The following SCML4 variants were observed in gnomAD, a reference collection of about 807,000 sequenced individuals.
SCML4 encodes sex comb on midleg-like protein 4.
Under a neutral mutation model 41.1 loss-of-function variants are expected in SCML4, and 34 were observed. The observed-to-expected ratio is 0.83, with a 90% CI of 0.63 to 1.10. SCML4 has a LOEUF of 1.10. SCML4 is among the 50% of genes least tolerant of loss of function. The pLI is 0.00. For missense variants in SCML4, 522 were observed against 534.1 expected (o/e 0.98, Z 0.22); for synonymous variants, 214 against 220.9 (o/e 0.97, Z 0.28).
chr6:107,840,442 C>A, the SCML4 span, among the ~76,000 whole-genome samples: 1 of 152,186 alleles, frequency 6.6e-6, no homozygotes, highest in African/African-American at 2.4e-5. Flanking sequence ...GTAGATTGTC[C>A]TTCTAACCTA....
intron 2 of SCML4, among the ~76,000 whole-genome samples, chr6:107,770,032 A>C (rs1562239455): frequency 1.3e-5 from 2 of 152,162 alleles, no homozygotes; most frequent in South Asian, 2.1e-4. Context: ...GAGAGTTAAA[A>C]TCATCAAATT....
At chr6:107,708,715 C>T (rs184226945) in intron 6 of SCML4, among the ~76,000 whole-genome samples, 2 of 152,288 alleles carry the variant, frequency 1.3e-5, no homozygotes, top group Non-Finnish European at 2.9e-5. Flanking sequence ...ACTCCCTGAC[C>T]GCAAAGGGCC....
At chr6:107,725,622 G>A (rs1775881263) in intron 5 of SCML4, among the ~76,000 whole-genome samples, 1 of 151,992 alleles carries the variant, frequency 6.6e-6, no homozygotes, top group South Asian at 2.1e-4. Flanking sequence ...AACTCAAAAT[G>A]AATAAAAAAT....
chr6:107,773,214 G>C (rs778965305), intron 1 of SCML4, among the ~76,000 whole-genome samples: 2 of 152,108 alleles, frequency 1.3e-5, no homozygotes, highest in Non-Finnish European at 2.9e-5. Flanking sequence ...CAGGACTATG[G>C]GTAATTGTTC....
At chr6:107,817,647 A>AAAAAAAAAAAAAC (rs1784649878) in intron 1 of SCML4, among the ~76,000 whole-genome samples, 1 of 149,542 alleles carries the variant, frequency 6.7e-6, no homozygotes, top group African/African-American at 2.5e-5. Context: ...AAAAAAAAAA[A>AAAAAAAAAAAAAC]TCACTGAATG....
rs182896221 is a variant in SCML4 at position 107,734,510 on chromosome 6, A to G, written c.682+10439T>C. On this transcript the variant is annotated intron_variant, in intron 5 of 7. Transcript: ENST00000369020. ...GAGCCTTACAATGCAAAGGGATCCA[A>G]TCAACTGCTGGACATAATAGAGAAT... is the stretch of plus-strand genomic sequence containing the variant. 2.9e-3 allele frequency among the ~76,000 whole-genome samples: 435 copies of G among 152,374 alleles called. 1 individual carries two copies. The highest frequency in any genetic ancestry group is 9.9e-3 in the African/African-American group (413 of 41,580).
intron 1 of SCML4, among the ~76,000 whole-genome samples, chr6:107,817,581 A>T (rs895273788): frequency 7.7e-6 from 1 of 130,572 alleles, no homozygotes; most frequent in Non-Finnish European, 1.6e-5. Context: ...AGATCGCACC[A>T]CTGTACTCCA....
chr6:107,703,934 CAG>C lies in SCML4; in HGVS notation c.*1264_*1265del, dbSNP rs1264124664. Among the ~76,000 whole-genome samples the C allele has an allele frequency of 6.6e-6, 1 of 152,160 alleles. No individual in the cohort carries two copies. The highest frequency in any genetic ancestry group is 1.5e-5 in the Non-Finnish European group (1 of 68,036). On this transcript the variant is annotated 3_prime_UTR_variant, in exon 8 of 8. Coordinates refer to ENST00000369020, the MANE Select transcript of SCML4 (RefSeq NM_198081.5). The stretch of plus-strand genomic sequence containing the variant: ...GAAGAAGAAGAGAGGTGGAGGGAAA[CAG>C]AGAAAAGAGAAGGATAAAACGAATG...
At chr6:107,814,584 A>G (rs1448381747) in intron 1 of SCML4, among the ~76,000 whole-genome samples, 1 of 152,072 alleles carries the variant, frequency 6.6e-6, no homozygotes, top group Non-Finnish European at 1.5e-5. Context: ...ACAGGATCTT[A>G]CTCTGTCACC....
In SCML4 at chr6:107,795,560, C is replaced by T. The variant is rs116441622; in HGVS notation, c.-59-23174G>A. 7.9e-3 allele frequency among the ~76,000 whole-genome samples: 1,201 copies of T among 152,146 alleles called. 16 individuals are homozygous for T. Among genetic ancestry groups the T allele is most frequent in the African/African-American group, 0.027 (1,138 of 41,492 alleles). ...TTTTTTTCTTTGAGATGGAGTCTTGCCCTGTCTCCCAGGCTTGAGTGCAAT... is the reference window on the plus strand; with the variant it reads ...TTTTTTTCTTTGAGATGGAGTCTTGTCCTGTCTCCCAGGCTTGAGTGCAAT... On this transcript the variant is annotated intron_variant, in intron 1 of 7. Coordinates refer to ENST00000369020, the MANE Select transcript of SCML4 (RefSeq NM_198081.5).
chr6:107,771,050 G>A (rs1478760276), intron 2 of SCML4, among the ~76,000 whole-genome samples: 1 of 152,194 alleles, frequency 6.6e-6, no homozygotes, highest in Non-Finnish European at 1.5e-5. Flanking sequence ...AGAACAACCA[G>A]TGAGAGAAGA....
chr6:107,759,838 T>G (rs1185653176), intron 2 of SCML4, among the ~76,000 whole-genome samples: 1 of 152,102 alleles, frequency 6.6e-6, no homozygotes, highest in Non-Finnish European at 1.5e-5. Flanking sequence ...TATTTCCTCA[T>G]CGGGGAAATG....
At chr6:107,839,413 A>G in the SCML4 span, among the ~76,000 whole-genome samples, 3 of 149,244 alleles carry the variant, frequency 2.0e-5, no homozygotes, top group African/African-American at 7.6e-5. Flanking sequence ...AAGAAAGAGG[A>G]AGAAGAGAGG....
intron 2 of SCML4, 83 bp downstream of exon 2, chr6:107,772,089 G>T: frequency 8.1e-7 from 1 of 1,235,044 alleles, no homozygotes; most frequent in Non-Finnish European, 1.1e-6. Flanking sequence ...CCAACCTCTA[G>T]TGGCATTTTG....
rs60593267 is a variant in SCML4 at position 107,729,328 on chromosome 6, C to T, written c.683-8335G>A. On this transcript the variant is annotated intron_variant, in intron 5 of 7. Transcript: ENST00000369020. Reference sequence around the variant, plus strand: ...CTGGTGGCCAACAATCTTTGGAGTTCCTTGGCTGGAGACAGCGCTCCAATC... The same window carrying T: ...CTGGTGGCCAACAATCTTTGGAGTTTCTTGGCTGGAGACAGCGCTCCAATC... Among the ~76,000 whole-genome samples the T allele has an allele frequency of 5.4e-3, 828 of 152,266 alleles. 7 individuals carry two copies. The highest frequency in any genetic ancestry group is 0.019 in the African/African-American group (805 of 41,542).
intron 1 of SCML4, among the ~76,000 whole-genome samples, chr6:107,814,271 G>C (rs1583661610): frequency 6.6e-6 from 1 of 152,262 alleles, no homozygotes; most frequent in Admixed American, 6.5e-5. Flanking sequence ...GTTAACCGTG[G>C]AGCCACTTAA....
chr6:107,821,709 G>A lies in SCML4; in HGVS notation c.-60+2417C>T, dbSNP rs191956242. Among the ~76,000 whole-genome samples, 351 of 152,248 alleles carry A rather than the reference G, an allele frequency of 2.3e-3. 3 individuals are homozygous for A. The highest frequency in any genetic ancestry group is 3.3e-3 in the Non-Finnish European group (225 of 68,004). On this transcript the variant is annotated intron_variant, in intron 1 of 7. Transcript: ENST00000369020. ...ACGCTCTTCAGGACTTGTGGAGTGG[G>A]ATGGGCACATCCCGGCTCCCTGGCA...
At position 107,753,426 on chromosome 6, in the gene SCML4, T is replaced by C. The variant is rs1002179978; in HGVS notation, c.157-3613A>G. Among the ~76,000 whole-genome samples, 4 of 152,078 alleles carry C rather than the reference T, an allele frequency of 2.6e-5. No homozygotes were observed. The South Asian group carries it at 6.2e-4, about 24-fold the overall frequency. On this transcript the variant is annotated intron_variant, in intron 2 of 7. Transcript: ENST00000369020. ...TTACAATAGCCAAAAGTCAAATGCA[T>C]AGAGACAGGAAGTAGAATGGTAGTT... is the stretch of plus-strand genomic sequence containing the variant.
chr6:107,745,207 C>T (rs777242662), intron 4 of SCML4, 64 bp from the exon 5 acceptor site: 44 of 1,230,992 alleles, frequency 3.6e-5, no homozygotes, highest in Middle Eastern at 2.0e-4. Flanking sequence ...GTCAATCGGC[C>T]GTGGTGAGGA....
Sources: gnomAD v4.1 joint callset for allele counts (sites outside exome capture counted in the v4.1 genomes callset) on GRCh38, gnomAD v4.1.1 for gene constraint, MANE v1.5 for transcripts, NCBI Gene and HGNC (gene_info 2026-07-23, HGNC 2026-07-21) for gene names.